The following ROBO2 variants were observed in gnomAD, a reference collection of about 807,000 sequenced individuals.
The protein encoded by ROBO2 is roundabout homolog 2.
Under a neutral mutation model 160.8 loss-of-function variants are expected in ROBO2, and 53 were observed. That is an observed-to-expected ratio of 0.33 (90% CI 0.26 to 0.41). The LOEUF is 0.41. ROBO2 is among the 10% of genes least tolerant of loss of function. The pLI, the probability that ROBO2 is intolerant of heterozygous loss-of-function variation, is 1.00. For missense variants in ROBO2, 1,577 were observed against 1,722.4 expected, an observed-to-expected ratio of 0.92 and a Z score of 1.49; for synonymous variants, 664 against 611.7, an observed-to-expected ratio of 1.09 and a Z score of -1.26.
At chr3:77,246,215 A>G (rs1365548637) in intron 2 of ROBO2, among the ~76,000 whole-genome samples, 5 of 152,162 alleles carry the variant, frequency 3.3e-5, no homozygotes, top group African/African-American at 1.2e-4. Flanking sequence ...TCATGAGTTT[A>G]TACCTTCTTA....
At chr3:76,555,331 A>AGAGGAAGAGGAGGAAGAG (rs1237431937) in intron 2 of ROBO2, among the ~76,000 whole-genome samples, 1 of 135,446 alleles carries the variant, frequency 7.4e-6, no homozygotes, top group East Asian at 2.4e-4. Context: ...AAAAAGAAGA[A>AGAGGAAGAGGAGGAAGAG]GAGGAAGAGG....
Position 76,974,971 on chromosome 3 carries a change from T to A in ROBO2, c.110-123043T>A, listed in dbSNP as rs537770857. On this transcript the variant is annotated intron_variant, in intron 2 of 26. Coordinates refer to the ROBO2 transcript ENST00000487694. ...GATTCCTTTTGAATTAAAAAAAAAT[T>A]CCATATGATAATAATAATACACTCT... Among the ~76,000 whole-genome samples the A allele has an allele frequency of 2.0e-5, 3 of 152,062 alleles. No homozygotes were observed. In the South Asian group the frequency reaches 6.2e-4, roughly 32 times the overall value.
chr3:77,571,830 C>A (rs531672186), intron 13 of ROBO2, among the ~76,000 whole-genome samples: 3 of 151,738 alleles, frequency 2.0e-5, no homozygotes, highest in South Asian at 4.2e-4. Context: ...CAGTAAAAAT[C>A]TCACCTATTT....
At chr3:76,402,435 G>T (rs2077884412) in intron 2 of ROBO2, among the ~76,000 whole-genome samples, 1 of 151,546 alleles carries the variant, frequency 6.6e-6, no homozygotes, top group Non-Finnish European at 1.5e-5. Context: ...TATTAGGTCA[G>T]TGTATTAGTT....
At chr3:76,044,558 C>T (rs1037912311) in intron 2 of ROBO2, among the ~76,000 whole-genome samples, 1 of 151,934 alleles carries the variant, frequency 6.6e-6, no homozygotes, top group Non-Finnish European at 1.5e-5. Flanking sequence ...TTCATTCATT[C>T]ATTCATTCAT....
chr3:76,718,320 A>G (rs557365892), intron 2 of ROBO2, among the ~76,000 whole-genome samples: 3 of 152,244 alleles, frequency 2.0e-5, no homozygotes, highest in Non-Finnish European at 2.9e-5. Context: ...GCTAGCACAG[A>G]TAATAAACCA....
chr3:76,597,008 A>G (rs1172073206), intron 2 of ROBO2, among the ~76,000 whole-genome samples: 1 of 152,132 alleles, frequency 6.6e-6, no homozygotes, highest in Non-Finnish European at 1.5e-5. Flanking sequence ...ACTTACATCA[A>G]ATCATCTTAG....
intron 2 of ROBO2, among the ~76,000 whole-genome samples, chr3:76,775,781 A>C (rs2062211465): frequency 6.6e-6 from 1 of 150,748 alleles, no homozygotes; most frequent in Non-Finnish European, 1.5e-5. Flanking sequence ...AAATTGTATT[A>C]CGAAGCTTAG....
intron 2 of ROBO2, among the ~76,000 whole-genome samples, chr3:76,500,195 T>A (rs552770184): frequency 6.6e-6 from 1 of 152,274 alleles, no homozygotes; most frequent in African/African-American, 2.4e-5. Flanking sequence ...CACAGCTCAC[T>A]GCGTCCTTGA....
intron 2 of ROBO2, among the ~76,000 whole-genome samples, chr3:76,074,050 T>A (rs1190492553): frequency 6.6e-6 from 1 of 152,170 alleles, no homozygotes; most frequent in Non-Finnish European, 1.5e-5. Flanking sequence ...AGGCTCCAGG[T>A]CCATGAAGGT....
chr3:77,137,454 A>C (rs764144367), intron 2 of ROBO2, among the ~76,000 whole-genome samples: 4 of 151,742 alleles, frequency 2.6e-5, no homozygotes, highest in Non-Finnish European at 5.9e-5. Flanking sequence ...TCGAACTCTC[A>C]ACCTCAGGTC....
chr3:76,166,242 G>T (rs1306681796), intron 2 of ROBO2, among the ~76,000 whole-genome samples: 1 of 152,046 alleles, frequency 6.6e-6, no homozygotes, highest in Non-Finnish European at 1.5e-5. Flanking sequence ...TTTTGGTTTG[G>T]TTTTGGTATC....
Position 77,065,504 on chromosome 3 carries a change from C to G in ROBO2, c.61+24658C>G, listed in dbSNP as rs558334498. On this transcript the variant is annotated intron_variant, in intron 1 of 25. Transcript: ENST00000461745. ...AAATTCCATTAAAGTCAGCAAGTAA[C>G]AAGGTTTCTTGCAATCTTTAGTCAG... Among the ~76,000 whole-genome samples, 6 of 152,206 alleles carry G rather than the reference C, an allele frequency of 3.9e-5. No individual in the cohort carries two copies. In the South Asian group the frequency reaches 8.3e-4, roughly 21 times the overall value.
chr3:76,617,925 C>T lies in ROBO2; in HGVS notation c.110-480089C>T, dbSNP rs1481138322. On this transcript the variant is annotated intron_variant, in intron 2 of 26. Transcript: ENST00000487694. ...CATCACCCCATGATTCAATTACCTC[C>T]CACTGGGTAACTCCCACAACATGTG... Among the ~76,000 whole-genome samples the T allele has an allele frequency of 3.3e-5, 5 of 151,618 alleles. No homozygotes were observed. The South Asian group carries it at 1.1e-3, about 32-fold the overall frequency.
intron 2 of ROBO2, among the ~76,000 whole-genome samples, chr3:76,521,304 C>A (rs1014746910): frequency 1.3e-5 from 2 of 152,124 alleles, no homozygotes; most frequent in Non-Finnish European, 1.5e-5. Context: ...CCGCCTTGGC[C>A]TCCCAAAGTG....
Position 76,760,285 on chromosome 3 carries a change from G to A in ROBO2, c.110-337729G>A, listed in dbSNP as rs539671389. ...TAAAATAGACTCTTTCCAAATTACC[G>A]AAAGTAGTATCCTCTATTTTTCCTA... On this transcript the variant is annotated intron_variant, in intron 2 of 26. Transcript: ENST00000487694. 2.0e-5 allele frequency among the ~76,000 whole-genome samples: 3 copies of A among 151,696 alleles called. No homozygotes were observed. In the East Asian group the frequency reaches 5.9e-4, roughly 30 times the overall value.
At chr3:76,431,224 TTTTA>T (rs1312936734) in intron 2 of ROBO2, among the ~76,000 whole-genome samples, 3 of 151,578 alleles carry the variant, frequency 2.0e-5, no homozygotes, top group Non-Finnish European at 2.9e-5. Context: ...CACAATGGCC[TTTTA>T]TTTGTCAGCA....
intron 2 of ROBO2, among the ~76,000 whole-genome samples, chr3:76,016,187 T>C (rs1290603019): frequency 6.8e-6 from 1 of 146,964 alleles, no homozygotes; most frequent in Non-Finnish European, 1.5e-5. Context: ...CATATGTTAG[T>C]CTGTGATAGA....
chr3:76,458,121 G>T (rs1303044552), intron 2 of ROBO2, among the ~76,000 whole-genome samples: 1 of 152,160 alleles, frequency 6.6e-6, no homozygotes, highest in Non-Finnish European at 1.5e-5. Flanking sequence ...TTTCTCAGAA[G>T]AAAATGAGTT....
Sources: allele counts gnomAD v4.1 joint callset (sites outside exome capture counted in the v4.1 genomes callset), GRCh38; gene constraint gnomAD v4.1.1; transcripts MANE v1.5; gene names NCBI Gene and HGNC (gene_info 2026-07-23, HGNC 2026-07-21).